SLC8A3: variants seen among roughly 807,000 people sequenced by gnomAD.
SLC8A3 encodes the protein sodium/calcium exchanger 3.
SLC8A3 carries 37 observed loss-of-function variants against 65.4 expected under a neutral mutation model. That is an observed-to-expected ratio of 0.57 (90% CI 0.44 to 0.74). The LOEUF (loss-of-function observed/expected upper bound fraction) is 0.74, where lower values mean the gene tolerates loss of function less well. Among genes scored for constraint, SLC8A3 ranks in the 30% least tolerant of loss-of-function variants. SLC8A3 has a pLI of 0.00. For missense variants in SLC8A3, 1,112 were observed against 1,172.1 expected (o/e 0.95, Z 0.75); for synonymous variants, 461 against 444.5 (o/e 1.04, Z -0.47).
At chr14:70,168,544 G>A in intron 1 of SLC8A3, 60 bp from the exon 2 acceptor site, 1 of 701,004 alleles carries the variant, frequency 1.4e-6, no homozygotes, top group Admixed American at 2.8e-5. Context: ...CAAACGGCAG[G>A]TTCCCACCAA....
chr14:70,052,466 A>G (rs919856727), intron 3 of SLC8A3, among the ~76,000 whole-genome samples: 1 of 152,164 alleles, frequency 6.6e-6, no homozygotes, highest in African/African-American at 2.4e-5. Flanking sequence ...AACTATTTTG[A>G]ACTTTTGGGC....
intron 2 of SLC8A3, among the ~76,000 whole-genome samples, chr14:70,152,604 G>T (rs1896341233): frequency 6.6e-6 from 1 of 152,052 alleles, no homozygotes; most frequent in East Asian, 1.9e-4. Context: ...AGAAGAAAGG[G>T]GAGCTCTCTC....
chr14:70,095,890 T>G (rs1013367701), intron 2 of SLC8A3, among the ~76,000 whole-genome samples: 2 of 152,136 alleles, frequency 1.3e-5, no homozygotes, highest in Non-Finnish European at 2.9e-5. Context: ...TCTTCTTTTT[T>G]TTTTTCGTTG....
intron 2 of SLC8A3, among the ~76,000 whole-genome samples, chr14:70,126,438 C>A (rs1487164228): frequency 6.6e-6 from 1 of 152,004 alleles, no homozygotes; most frequent in Non-Finnish European, 1.5e-5. Flanking sequence ...AATCAAGGAC[C>A]TAATGAATTC....
chr14:70,057,636 G>A (rs1888314850), intron 3 of SLC8A3, among the ~76,000 whole-genome samples: 1 of 152,180 alleles, frequency 6.6e-6, no homozygotes, highest in African/African-American at 2.4e-5. Context: ...GCAAGACCTG[G>A]GTAGGCCAGC....
At chr14:70,128,863 G>A (rs755146850) in intron 2 of SLC8A3, among the ~76,000 whole-genome samples, 16 of 152,130 alleles carry the variant, frequency 1.1e-4, no homozygotes, top group African/African-American at 3.1e-4. Context: ...AAAAGCTCAC[G>A]CAAAACGCAC....
chr14:70,053,937 A>T (rs1887783078), intron 3 of SLC8A3, among the ~76,000 whole-genome samples: 1 of 152,140 alleles, frequency 6.6e-6, no homozygotes, highest in Admixed American at 6.5e-5. Context: ...AATGTTGTTA[A>T]TTTCTTGAGA....
chr14:70,151,462 A>G (rs961658516), intron 2 of SLC8A3, among the ~76,000 whole-genome samples: 1 of 152,134 alleles, frequency 6.6e-6, no homozygotes, highest in African/African-American at 2.4e-5. Flanking sequence ...CTATATAACA[A>G]AGTTGTTGAA....
intron 2 of SLC8A3, among the ~76,000 whole-genome samples, chr14:70,140,814 C>A (rs981882256): frequency 6.7e-6 from 1 of 148,930 alleles, no homozygotes; most frequent in Non-Finnish European, 1.5e-5. Context: ...ATCAGCAGCA[C>A]CTGGCATTTA....
intron 2 of SLC8A3, among the ~76,000 whole-genome samples, chr14:70,097,869 C>A (rs540940709): frequency 2.4e-4 from 36 of 152,294 alleles, no homozygotes; most frequent in African/African-American, 7.9e-4. Context: ...GCCAAGGGTG[C>A]ACTTGGCATC....
rs1220858232 is a variant in SLC8A3, at chr14:70,044,290, A to G, written c.*1657T>C. 2 of 151,918 alleles carry G rather than the reference A, an allele frequency of 1.3e-5. No individual in the cohort carries two copies. The highest frequency in any genetic ancestry group is 2.9e-5 in the Non-Finnish European group (2 of 68,002). The allele number at this position is 151,918 out of a possible 1,614,324, so 9.4% of individuals were successfully genotyped here. A position where few individuals can be genotyped will look rare whatever the true frequency, so the allele number is the denominator to read the frequency against. On this transcript the variant is annotated 3_prime_UTR_variant, in exon 7 of 7. Transcript: ENST00000356921. ...AACATTTCCACTGGCAACTGTCAAC[A>G]TAGCTTATGACATGAGCACTGTTTC...
chr14:70,075,258 C>T lies in SLC8A3; in HGVS notation c.1785-14319G>A, dbSNP rs1007431182. 4.0e-4 allele frequency among the ~76,000 whole-genome samples: 61 copies of T among 152,284 alleles called. 1 individual carries two copies. The highest frequency in any genetic ancestry group is 7.9e-4 in the Non-Finnish European group (54 of 68,024). On this transcript the variant is annotated intron_variant, in intron 2 of 6. Coordinates refer to ENST00000356921, the MANE Select transcript of SLC8A3 (RefSeq NM_182932.3). Reference sequence around the variant, plus strand: ...AAGCCAGACAACGTTCTCAGCCTTTCGGGCTCTCTGTTCGTCTCTTCCTTC... The same window carrying T: ...AAGCCAGACAACGTTCTCAGCCTTTTGGGCTCTCTGTTCGTCTCTTCCTTC...
At chr14:70,087,312 C>G (rs1335481621) in intron 2 of SLC8A3, among the ~76,000 whole-genome samples, 1 of 152,166 alleles carries the variant, frequency 6.6e-6, no homozygotes, top group Non-Finnish European at 1.5e-5. Context: ...GAGCACAGCC[C>G]TCCTAAGGAA....
At chr14:70,116,160 C>A (rs1347532784) in intron 2 of SLC8A3, among the ~76,000 whole-genome samples, 2 of 152,124 alleles carry the variant, frequency 1.3e-5, no homozygotes, top group African/African-American at 4.8e-5. Flanking sequence ...TGGATGTAGC[C>A]TGGGCCGGGG....
At chr14:70,100,225 G>A (rs1193928443) in intron 2 of SLC8A3, among the ~76,000 whole-genome samples, 1 of 152,174 alleles carries the variant, frequency 6.6e-6, no homozygotes, top group East Asian at 1.9e-4. Context: ...GTGCTGATGA[G>A]GTCAAGGTTA....
At chr14:70,113,613 C>G (rs1043143401) in intron 2 of SLC8A3, among the ~76,000 whole-genome samples, 1 of 152,096 alleles carries the variant, frequency 6.6e-6, no homozygotes, top group East Asian at 1.9e-4. Context: ...TATTATTTAG[C>G]CATTCTTACC....
rs1278624956 is a variant in SLC8A3, at chr14:70,055,827, G to A, written c.1889-3713C>T. 4 of 1,608,934 alleles carry A rather than the reference G, an allele frequency of 2.5e-6. No individual in the cohort carries two copies. In the South Asian group the frequency reaches 4.5e-5, roughly 18 times the overall value. On this transcript the variant is annotated intron_variant, in intron 3 of 6. Transcript: ENST00000356921. ...ATAACAGGAGCGCTGTTTGCAAATG[G>A]ATACCAGAAAAATGGAAGAAAGAAA...
rs770234490 is a variant in SLC8A3 at position 70,167,129 on chromosome 14, C to A, written c.1294G>T (p.Asp432Tyr). 2.2e-5 allele frequency: 36 copies of A among 1,614,016 alleles called. No individual in the cohort carries two copies. The highest frequency in any genetic ancestry group is 3.0e-5 in the Non-Finnish European group (35 of 1,179,998). Residue 432 changes from aspartate (D) to tyrosine (Y), a missense_variant, in exon 2 of 7, where the codon GAC (aspartate) becomes TAC (tyrosine). Asp to Tyr is a radical substitution (Grantham distance 160). Transcript: ENST00000356921. ...GGDMSKTMYVDYKTEDGSANA... is the reference protein window; with the variant it reads ...GGDMSKTMYVYYKTEDGSANA... ...GCAGAACCATCCTCTGTTTTGTAGT[C>A]CACATACATGGTCTTTGACATGTCT...
At chr14:70,149,613 G>A (rs1206808965) in intron 2 of SLC8A3, among the ~76,000 whole-genome samples, 2 of 152,126 alleles carry the variant, frequency 1.3e-5, no homozygotes, top group African/African-American at 4.8e-5. Context: ...CTGCCTACAG[G>A]CTGCTCCAAG....
Sources: gnomAD v4.1 joint callset for allele counts (sites outside exome capture counted in the v4.1 genomes callset) on GRCh38, gnomAD v4.1.1 for gene constraint, MANE v1.5 for transcripts, NCBI Gene and HGNC (gene_info 2026-07-23, HGNC 2026-07-21) for gene names.